The following TRAPPC8 variants were observed in gnomAD, a reference collection of about 807,000 sequenced individuals.
The protein encoded by TRAPPC8 is trafficking protein particle complex subunit 8.
A neutral mutation model predicts 174.3 loss-of-function variants in TRAPPC8; 54 were observed. The observed-to-expected ratio is 0.31, with a 90% confidence interval of 0.25 to 0.39. The LOEUF (loss-of-function observed/expected upper bound fraction) is 0.39, where lower values mean the gene tolerates loss of function less well. Ranked by LOEUF, TRAPPC8 falls within the 10% of genes least tolerant of loss-of-function variation. The pLI is 1.00. For missense variants in TRAPPC8, 1,531 were observed against 1,699.1 expected, an observed-to-expected ratio of 0.90 and a Z score of 1.74; for synonymous variants, 630 against 579.9, an observed-to-expected ratio of 1.09 and a Z score of -1.24.
intron 1 of TRAPPC8, 32 bp from the exon 2 acceptor site, chr18:31,931,555 T>TA (rs1211586080): frequency 1.3e-6 from 2 of 1,522,916 alleles, no homozygotes; most frequent in Non-Finnish European, 1.8e-6. Context: ...AACTTGAAAT[T>TA]AATTCTATAC....
chr18:31,911,914 T>G (rs1440308961), intron 5 of TRAPPC8, among the ~76,000 whole-genome samples: 1 of 147,108 alleles, frequency 6.8e-6, no homozygotes. Context: ...CAAAAAACAG[T>G]GACTCTCGAT....
chr18:31,938,121 T>C (rs770523006), intron 1 of TRAPPC8, among the ~76,000 whole-genome samples: 1 of 152,168 alleles, frequency 6.6e-6, no homozygotes, highest in Non-Finnish European at 1.5e-5. Context: ...AAATGATATA[T>C]TGCAACATTG....
At chr18:31,878,436 T>G (rs1043930990) in intron 12 of TRAPPC8, among the ~76,000 whole-genome samples, 1 of 152,138 alleles carries the variant, frequency 6.6e-6, no homozygotes, top group Non-Finnish European at 1.5e-5. Context: ...AAAAATAGTA[T>G]TTCTCAGACA....
In TRAPPC8 at chr18:31,936,902, TAAAA is replaced by T. The variant is rs376783471; in HGVS notation, c.158-5383_158-5380del. On this transcript the variant is annotated intron_variant, in intron 1 of 28. Coordinates refer to ENST00000283351, the MANE Select transcript of TRAPPC8 (RefSeq NM_014939.5). ...GGGTGACAGAGCAAGACTCCGTCTT[TAAAA>T]AAAAAAAAAAAAAAAAAAAAAAGGA... Among the ~76,000 whole-genome samples, 7 of 92,496 alleles carry T rather than the reference TAAAA, an allele frequency of 7.6e-5. 1 individual carries two copies. Among genetic ancestry groups the T allele is most frequent in the East Asian group, 3.1e-4 (1 of 3,194 alleles). The allele number at this position is 92,496 out of a possible 152,430, so 60.7% of individuals were successfully genotyped here.
At chr18:31,879,815 G>C (rs894804128) in intron 12 of TRAPPC8, among the ~76,000 whole-genome samples, 4 of 151,360 alleles carry the variant, frequency 2.6e-5, no homozygotes, top group Admixed American at 2.6e-4. Flanking sequence ...AATACAAAAG[G>C]TCCTCAGAGA....
intron 2 of TRAPPC8, among the ~76,000 whole-genome samples, chr18:31,923,379 C>T (rs1397786043): frequency 6.6e-6 from 1 of 152,178 alleles, no homozygotes; most frequent in African/African-American, 2.4e-5. Context: ...AGACTTTCAA[C>T]TCCATCAATG....
In TRAPPC8 at chr18:31,858,922, T is replaced by A. The variant is rs2034177045; in HGVS notation, c.2746-940A>T. On this transcript the variant is annotated intron_variant, in intron 19 of 28. Transcript: ENST00000283351. ...GAGTTCAAAACCAGCCTGGGCAACA[T>A]GGTGAGACCTGTTTCTATCAAAACT... Among the ~76,000 whole-genome samples, 2 of 152,094 alleles carry A rather than the reference T, an allele frequency of 1.3e-5. 1 individual carries two copies. The highest frequency in any genetic ancestry group is 1.3e-4 in the Admixed American group (2 of 15,264).
chr18:31,837,984 AAG>A (rs1555653409), intron 27 of TRAPPC8, among the ~76,000 whole-genome samples: 4 of 150,876 alleles, frequency 2.7e-5, no homozygotes, highest in Non-Finnish European at 4.4e-5. Flanking sequence ...AAAAAAAAAA[AAG>A]AGAGACAGGG....
Position 31,897,876 on chromosome 18 carries a change from A to G in TRAPPC8, c.1506T>C (p.Ala502=). The G allele has an allele frequency of 6.2e-7, 1 of 1,611,534 alleles. No individual in the cohort carries two copies. Residue 502 remains alanine, a synonymous_variant, in exon 11 of 29, where the codon GCT becomes GCC. Coordinates refer to ENST00000283351, the MANE Select transcript of TRAPPC8 (RefSeq NM_014939.5). The part of the protein sequence containing the change: ...YRDICKNMVL[A]ERCVLLSAEL... The stretch of plus-strand genomic sequence containing the variant: ...CAGCACTAAGCAACACACATCTTTC[A>G]GCCAACACCATATTCCTATAGAAAA...
intron 1 of TRAPPC8, among the ~76,000 whole-genome samples, chr18:31,934,303 G>A (rs1490332969): frequency 1.3e-5 from 2 of 151,968 alleles, no homozygotes; most frequent in Admixed American, 6.6e-5. Context: ...GTCCTATAAC[G>A]TTTGATTTTT....
chr18:31,836,031 A>G (rs2032694940), intron 27 of TRAPPC8, among the ~76,000 whole-genome samples: 2 of 152,300 alleles, frequency 1.3e-5, no homozygotes, highest in South Asian at 4.1e-4. Flanking sequence ...CAGACCCATG[A>G]GTATGGAAAT....
At position 31,942,739 on chromosome 18, in the gene TRAPPC8, T is replaced by C. The variant is rs1195026510; in HGVS notation, c.26A>G (p.Gln9Arg). 2.5e-6 allele frequency: 4 copies of C among 1,589,028 alleles called. No homozygotes were observed. In the African/African-American group the frequency reaches 5.4e-5, roughly 22 times the overall value. Residue 9 changes from glutamine to arginine, a missense_variant, in exon 1 of 29, where the codon CAG becomes CGG. By Grantham distance (43) the Gln-to-Arg change is conservative. Transcript: ENST00000283351. ...GACGAAGGAGTCCGGGATTAGCTCC[T>C]GCACTGATTGTACACACTGGGCCAT... is the stretch of plus-strand genomic sequence containing the variant. Reference protein sequence around the residue: MAQCVQSVQELIPDSFVPC... With the variant: MAQCVQSVRELIPDSFVPC...
chr18:31,874,384 T>G (rs963067885), intron 13 of TRAPPC8, 96 bp downstream of exon 13: 1 of 1,290,766 alleles, frequency 7.7e-7, no homozygotes, highest in African/African-American at 1.5e-5. Context: ...ACTACATATA[T>G]TCTAATAAAA....
intron 2 of TRAPPC8, among the ~76,000 whole-genome samples, chr18:31,930,309 G>A (rs952750546): frequency 1.3e-4 from 20 of 151,678 alleles, no homozygotes; most frequent in Non-Finnish European, 2.2e-4. Context: ...TAGTAGAGAC[G>A]GGGTTTCACT....
intron 18 of TRAPPC8, among the ~76,000 whole-genome samples, chr18:31,866,320 T>C (rs2034583911): frequency 1.3e-5 from 2 of 152,218 alleles, no homozygotes; most frequent in South Asian, 4.1e-4. Flanking sequence ...TAAATGCACA[T>C]ATCGTGTAGT....
At chr18:31,869,335 A>G (rs1232065339) in intron 16 of TRAPPC8, among the ~76,000 whole-genome samples, 1 of 152,236 alleles carries the variant, frequency 6.6e-6, no homozygotes, top group East Asian at 1.9e-4. Context: ...ATGGAAAATA[A>G]AACAGTTAAG....
At chr18:31,882,422 G>A (rs1247159957) in intron 12 of TRAPPC8, among the ~76,000 whole-genome samples, 1 of 152,028 alleles carries the variant, frequency 6.6e-6, no homozygotes, top group Non-Finnish European at 1.5e-5. Context: ...CGGACATAAA[G>A]AGGAAATAAT....
intron 11 of TRAPPC8, among the ~76,000 whole-genome samples, chr18:31,891,458 CTAT>C (rs1291294315): frequency 6.6e-6 from 1 of 152,136 alleles, no homozygotes; most frequent in African/African-American, 2.4e-5. Context: ...TTCTTTTCAC[CTAT>C]TATTACATTA....
In TRAPPC8 at chr18:31,857,969, T is replaced by A. The variant is rs1199716170; in HGVS notation, c.2759A>T (p.His920Leu). 6.2e-7 allele frequency: 1 copy of A among 1,604,828 alleles called. No homozygotes were observed. Residue 920 changes from histidine (H) to leucine (L), a missense_variant, in exon 20 of 29, where the codon CAT (histidine) becomes CTT (leucine). By Grantham distance (99) the His-to-Leu change is moderately conservative. Transcript: ENST00000283351. ...TCCACAGAGAAGCCCTGTAGGAAAA[T>A]GTATAAAGAACACCTGCATTGGAGG... is the stretch of plus-strand genomic sequence containing the variant. ...EMPLLEVFFI[H>L]FPTGLLCGEI... is the part of the protein sequence containing the mutation.
Sources: allele counts gnomAD v4.1 joint callset (sites outside exome capture counted in the v4.1 genomes callset), GRCh38; gene constraint gnomAD v4.1.1; transcripts MANE v1.5; gene names NCBI Gene and HGNC (gene_info 2026-07-23, HGNC 2026-07-21).